Variants in OPA1 observed in about 807,000 individuals in gnomAD.
OPA1 encodes the protein OPA1 mitochondrial dynamin like GTPase.
Under a neutral mutation model 152.9 loss-of-function variants are expected in OPA1, and 59 were observed. The ratio of observed to expected loss-of-function variants is 0.39; its 90% CI spans 0.31 to 0.48. The LOEUF is 0.48. OPA1 is among the 20% of genes least tolerant of loss of function. OPA1 has a pLI of 0.96. For synonymous variants in OPA1, 400 were observed against 389.9 expected, an observed-to-expected ratio of 1.03 and a Z score of -0.31; for missense variants, 1,008 against 1,216.8, an observed-to-expected ratio of 0.83 and a Z score of 2.55.
rs1356373726 is a variant in OPA1 at position 193,658,918 on chromosome 3, G to A, written c.2363G>A (p.Arg788Gln). The change falls in exon 24 of 31, where the codon CGA (arginine) becomes CAA (glutamine). Residue 788 changes from arginine (R) to glutamine (Q), a missense_variant. Arg to Gln is a conservative substitution (Grantham distance 43). Around this residue, in one of 7 missense-constraint regions of OPA1, gnomAD observed 229 missense variants for 269.0 expected, o/e 0.85. Transcript: ENST00000361510. The part of the protein sequence containing the change: ...RVIQHNALED[R>Q]SISDKQQWDA... ...ATTCAACACAATGCTTTGGAAGACC[G>A]ATCCATATCTGATAAACAGCAATGG... is the stretch of plus-strand genomic sequence containing the variant. The A allele has an allele frequency of 2.5e-6, 4 of 1,613,732 alleles. No individual in the cohort carries two copies. Among genetic ancestry groups the A allele is most frequent in the South Asian group, 1.1e-5 (1 of 91,066 alleles).
chr3:193,679,267 A>T (rs144261326), intron 29 of OPA1, among the ~76,000 whole-genome samples: 2 of 151,096 alleles, frequency 1.3e-5, no homozygotes, highest in Non-Finnish European at 3.0e-5. Flanking sequence ...AGAAGAAATA[A>T]CGGGGAAAAA....
intron 29 of OPA1, among the ~76,000 whole-genome samples, chr3:193,674,218 T>G (rs901513535): frequency 1.3e-5 from 2 of 152,230 alleles, no homozygotes; most frequent in Non-Finnish European, 2.9e-5. Flanking sequence ...CTCTTATCCT[T>G]CATCCTGTGC....
In OPA1 at chr3:193,617,227, A is replaced by C. The variant is rs1729169952; in HGVS notation, c.498A>C (p.Ala166=). 3.1e-6 allele frequency: 5 copies of C among 1,613,198 alleles called. No individual in the cohort carries two copies. The highest frequency in any genetic ancestry group is 1.3e-5 in the African/African-American group (1 of 74,904). Residue 166 remains alanine (A), a synonymous_variant, in exon 4 of 31, where the codon GCA becomes GCC. Coordinates refer to ENST00000361510, the MANE Select transcript of OPA1 (RefSeq NM_130837.3). The part of the protein sequence containing the change: ...LPSSEDLVKL[A]PDFDKIVESL... ...GTTCAGAAGACCTTGTAAAGTTAGC[A>C]CCAGACTTTGACAAGATTGTTGAAA...
chr3:193,673,595 CAG>C (rs141233689), intron 29 of OPA1, among the ~76,000 whole-genome samples: 1,555 of 152,274 alleles, frequency 0.01, 6 homozygotes, highest in Non-Finnish European at 0.017. Context: ...TCAGCTATAA[CAG>C]ATATATTAAT....
At chr3:193,655,887 T>C (rs1459140144) in intron 22 of OPA1, among the ~76,000 whole-genome samples, 1 of 152,206 alleles carries the variant, frequency 6.6e-6, no homozygotes, top group African/African-American at 2.4e-5. Flanking sequence ...ATTTTGTTTT[T>C]CATACCTATC....
At chr3:193,624,416 A>T (rs991380893) in intron 6 of OPA1, 5 of 152,186 alleles carry the variant, frequency 3.3e-5, no homozygotes, top group Admixed American at 2.6e-4. Context: ...AGCCTTCTTT[A>T]AAGGGAATTG....
At chr3:193,644,839 CT>C (rs1734307268) in intron 16 of OPA1, among the ~76,000 whole-genome samples, 1 of 152,008 alleles carries the variant, frequency 6.6e-6, no homozygotes, top group Non-Finnish European at 1.5e-5. Flanking sequence ...TATTTCAGTC[CT>C]TTTTGTATAA....
In OPA1 at chr3:193,616,717, A is replaced by G. The variant is rs974610990; in HGVS notation, c.449-461A>G. On this transcript the variant is annotated intron_variant, in intron 3 of 30. Coordinates refer to ENST00000361510, the MANE Select transcript of OPA1 (RefSeq NM_130837.3). ...CTATGATTGCCAGTAATTCATGGTG[A>G]TCTTTAAGAAATATATTTTCATCAA... Among the ~76,000 whole-genome samples, 12 of 152,352 alleles carry G rather than the reference A, an allele frequency of 7.9e-5. No homozygotes were observed. The East Asian group carries it at 2.3e-3, about 29-fold the overall frequency.
Position 193,667,183 on chromosome 3 carries a change from G to T in OPA1, c.2886G>T (p.Glu962Asp). The T allele has an allele frequency of 6.4e-7, 1 of 1,569,316 alleles. No homozygotes were observed. The highest frequency in any genetic ancestry group is 8.8e-7 in the Non-Finnish European group (1 of 1,139,302). ...QLTNTEVRRL[E>D]KNVKEVLEDF... ...TTCTTTAAACAGTTAGGCGATTAGA[G>T]AAAAATGTTAAAGAGGTATTGGAAG... The change falls in exon 29 of 31, where the codon GAG (glutamate) becomes GAT (aspartate). Residue 962 changes from glutamate to aspartate, a missense_variant. Glu to Asp is a conservative substitution (Grantham distance 45). Around this residue, in one of 7 missense-constraint regions of OPA1, gnomAD observed 137 missense variants for 171.0 expected, o/e 0.80. Transcript: ENST00000361510.
At position 193,697,692 on chromosome 3, in the gene OPA1, G is replaced by T. The variant is rs1233438225; in HGVS notation, c.*3092G>T. The T allele has an allele frequency of 6.6e-6, 1 of 152,064 alleles. No homozygotes were observed. The highest frequency in any genetic ancestry group is 2.4e-5 in the African/African-American group (1 of 41,416). 9.4% of individuals were successfully genotyped at this position (152,064 alleles called of 1,614,324 possible). On this transcript the variant is annotated 3_prime_UTR_variant, in exon 31 of 31. Coordinates refer to ENST00000361510, the MANE Select transcript of OPA1 (RefSeq NM_130837.3). ...TTCTCTGAATGCTTGAATTTCACAT[G>T]CCTTGCATTTCACAGTTGTACTCCA...
intron 6 of OPA1, among the ~76,000 whole-genome samples, chr3:193,620,795 G>C (rs1729915337): frequency 6.6e-6 from 1 of 152,204 alleles, no homozygotes; most frequent in African/African-American, 2.4e-5. Context: ...ATGCAGCATT[G>C]TGTTTGCAAA....
At chr3:193,643,200 G>C (rs1384356261) in intron 13 of OPA1, 151 bp downstream of exon 13, 1 of 909,628 alleles carries the variant, frequency 1.1e-6, no homozygotes, top group African/African-American at 1.7e-5. Context: ...ATCATTTTGT[G>C]GGTAATTTTC....
At chr3:193,612,380 G>T (rs1004041421) in intron 1 of OPA1, among the ~76,000 whole-genome samples, 2 of 150,786 alleles carry the variant, frequency 1.3e-5, no homozygotes, top group African/African-American at 4.9e-5. Flanking sequence ...GGAACAGTCC[G>T]AGTTAGATCA....
Position 193,615,711 on chromosome 3 carries a change from G to C in OPA1, c.389G>C (p.Ser130Thr), listed in dbSNP as rs760267194. 2 of 1,612,588 alleles carry C rather than the reference G, an allele frequency of 1.2e-6. No homozygotes were observed. The highest frequency in any genetic ancestry group is 1.7e-6 in the Non-Finnish European group (2 of 1,178,738). ...DQWKDMIPDL[S>T]EYKWIVPDIV... Reference sequence around the variant, plus strand: ...TGGAAAGATATGATACCGGACCTTAGTGAATATAAATGGATTGTGCCTGAC... The same window carrying C: ...TGGAAAGATATGATACCGGACCTTACTGAATATAAATGGATTGTGCCTGAC... Residue 130 changes from serine to threonine, a missense_variant, in exon 3 of 31, where the codon AGT becomes ACT. Physicochemically the swap from Ser to Thr is moderately conservative, Grantham distance 58. This residue lies in a region of OPA1 where 408 missense variants were observed against 395.1 expected (regional missense o/e 1.03). Coordinates refer to ENST00000361510, the MANE Select transcript of OPA1 (RefSeq NM_130837.3).
intron 1 of OPA1, among the ~76,000 whole-genome samples, chr3:193,608,382 C>T (rs1424897166): frequency 6.6e-6 from 1 of 152,132 alleles, no homozygotes; most frequent in Non-Finnish European, 1.5e-5. Context: ...GAATGTGTCC[C>T]AGAGATTCTG....
intron 8 of OPA1, 140 bp downstream of exon 8, chr3:193,631,805 C>G: frequency 1.4e-6 from 1 of 714,716 alleles, no homozygotes; most frequent in Non-Finnish European, 2.5e-6. Flanking sequence ...TCGATAGATG[C>G]AAAAGCTAAT....
At chr3:193,637,108 TTTATCACTTTTTTCTCTTGAC>T in intron 9 of OPA1, 66 bp from the exon 10 acceptor site, 1 of 688,060 alleles carries the variant, frequency 1.5e-6, no homozygotes, top group Non-Finnish European at 2.5e-6. Flanking sequence ...ACAATTTGAA[TTTATCACTTTTTTCTCTTGAC>T]ACATCTGTTA....
intron 26 of OPA1, among the ~76,000 whole-genome samples, chr3:193,664,389 T>C (rs1716029006): frequency 6.6e-6 from 1 of 152,014 alleles, no homozygotes; most frequent in Non-Finnish European, 1.5e-5. Flanking sequence ...TTAAAGAATA[T>C]TGGACACTCA....
At chr3:193,668,894 ATTG>A in intron 29 of OPA1, 1 of 1,019,410 alleles carries the variant, frequency 9.8e-7, no homozygotes, top group African/African-American at 1.7e-5. Context: ...GTGAAACATT[ATTG>A]TTATTAAATA....
Sources: gnomAD v4.1 joint callset for allele counts (sites outside exome capture counted in the v4.1 genomes callset) on GRCh38, gnomAD v4.1.1 for gene constraint, gnomAD v4.1.1 regional missense constraint, MANE v1.5 for transcripts, NCBI Gene and HGNC (gene_info 2026-07-23, HGNC 2026-07-21) for gene names.